IFTAP: variants seen among roughly 807,000 people sequenced by gnomAD.
IFTAP encodes intraflagellar transport-associated protein.
Under a neutral mutation model 19.4 loss-of-function variants are expected in IFTAP, and 19 were observed. The observed-to-expected ratio is 0.98, with a 90% CI of 0.68 to 1.44. The LOEUF is 1.44. Among genes scored for constraint, IFTAP ranks in the 40% most tolerant of loss-of-function variants. The probability of loss-of-function intolerance (pLI) is 0.00; values close to 1 mark genes in which losing one functional copy is unlikely to be tolerated. For missense variants in IFTAP, 240 were observed against 253.6 expected (o/e 0.95, Z 0.36); for synonymous variants, 85 against 83.5 (o/e 1.02, Z -0.10).
intron 4 of IFTAP, among the ~76,000 whole-genome samples, chr11:36,643,546 C>A (rs1478340992): frequency 1.3e-5 from 2 of 152,174 alleles, no homozygotes; most frequent in Non-Finnish European, 2.9e-5. Context: ...CCAAGACAAT[C>A]CTAAGCCAAA....
chr11:36,598,822 C>T (rs1851393553), intron 1 of IFTAP, among the ~76,000 whole-genome samples: 2 of 152,128 alleles, frequency 1.3e-5, no homozygotes, highest in South Asian at 4.1e-4. Context: ...GTAGAGTCAT[C>T]TTAATCCTTA....
intron 1 of IFTAP, among the ~76,000 whole-genome samples, chr11:36,605,636 G>A (rs185121017): frequency 1.3e-5 from 2 of 152,326 alleles, no homozygotes; most frequent in Non-Finnish European, 2.9e-5. Flanking sequence ...GGCAAAAAGT[G>A]AACCCTATTC....
At chr11:36,624,459 A>C (rs1453498906) in intron 2 of IFTAP, among the ~76,000 whole-genome samples, 1 of 152,176 alleles carries the variant, frequency 6.6e-6, no homozygotes, top group African/African-American at 2.4e-5. Flanking sequence ...CTGGCTGGAA[A>C]TTGGGAATCA....
At chr11:36,595,373 A>G (rs1181055264) in intron 1 of IFTAP, 1 of 152,242 alleles carries the variant, frequency 6.6e-6, no homozygotes, top group Non-Finnish European at 1.5e-5. Flanking sequence ...GAAGCTTGAT[A>G]AATTTCTATT....
At chr11:36,650,741 T>G (rs1225124809) in intron 5 of IFTAP, among the ~76,000 whole-genome samples, 1 of 151,920 alleles carries the variant, frequency 6.6e-6, no homozygotes, top group Non-Finnish European at 1.5e-5. Context: ...GTGTGTGATG[T>G]TCCCCTTCCT....
At position 36,615,689 on chromosome 11, in the gene IFTAP, A is replaced by G. The variant is rs1483182744; in HGVS notation, c.136+5450A>G. 2.2e-5 allele frequency among the ~76,000 whole-genome samples: 3 copies of G among 136,836 alleles called. 1 individual carries two copies. Among genetic ancestry groups the G allele is most frequent in the South Asian group, 5.3e-4 (2 of 3,800 alleles). 89.8% of individuals were successfully genotyped at this position (136,836 alleles called of 152,430 possible). On this transcript the variant is annotated intron_variant, in intron 2 of 5. Transcript: ENST00000334307. Reference sequence around the variant, plus strand: ...TTTATTCTCTTTGAAGCAATTGTGAATGGGAGTTCACTCATGATTTGGCTC... The same window carrying G: ...TTTATTCTCTTTGAAGCAATTGTGAGTGGGAGTTCACTCATGATTTGGCTC...
chr11:36,634,381 G>A (rs1004879280), intron 3 of IFTAP, among the ~76,000 whole-genome samples: 4 of 152,116 alleles, frequency 2.6e-5, no homozygotes, highest in African/African-American at 9.7e-5. Context: ...AGATTAAGTA[G>A]TCTATTATAG....
At chr11:36,609,932 C>G (rs1851814882) in intron 1 of IFTAP, 149 bp from the exon 2 acceptor site, 1 of 624,902 alleles carries the variant, frequency 1.6e-6, no homozygotes, top group African/African-American at 1.9e-5. Context: ...GAATAAAACT[C>G]TGGTCTCTTG....
intron 2 of IFTAP, among the ~76,000 whole-genome samples, chr11:36,611,119 TCA>T (rs1235762812): frequency 6.6e-6 from 1 of 152,118 alleles, no homozygotes; most frequent in Non-Finnish European, 1.5e-5. Context: ...TCTCTGGCAC[TCA>T]CACAGTCTAA....
intron 2 of IFTAP, among the ~76,000 whole-genome samples, chr11:36,620,267 T>C (rs1007773420): frequency 2.0e-5 from 3 of 152,038 alleles, no homozygotes; most frequent in Non-Finnish European, 4.4e-5. Flanking sequence ...AAAAAAATAT[T>C]GAATGAAGTG....
At chr11:36,647,865 TCC>T in intron 4 of IFTAP, 149 bp from the exon 5 acceptor site, 1 of 831,510 alleles carries the variant, frequency 1.2e-6, no homozygotes, top group Non-Finnish European at 1.9e-6. Context: ...ATCCCTTGAG[TCC>T]AGTTCCCAAA....
chr11:36,620,582 T>G (rs757155585), intron 2 of IFTAP, among the ~76,000 whole-genome samples: 1 of 152,056 alleles, frequency 6.6e-6, no homozygotes, highest in African/African-American at 2.4e-5. Context: ...ATAATTCATA[T>G]TCATTTCAAC....
At chr11:36,652,481 A>C (rs1185645420) in intron 5 of IFTAP, among the ~76,000 whole-genome samples, 1 of 152,188 alleles carries the variant, frequency 6.6e-6, no homozygotes, top group Non-Finnish European at 1.5e-5. Context: ...CTAGATAGAC[A>C]ATCATATCAT....
At chr11:36,603,157 A>G (rs886766917) in intron 1 of IFTAP, among the ~76,000 whole-genome samples, 1 of 152,198 alleles carries the variant, frequency 6.6e-6, no homozygotes, top group Non-Finnish European at 1.5e-5. Flanking sequence ...AATGGGTATT[A>G]TACAATCTGC....
At chr11:36,601,335 G>C (rs879476544) in intron 1 of IFTAP, among the ~76,000 whole-genome samples, 2 of 152,182 alleles carry the variant, frequency 1.3e-5, no homozygotes, top group African/African-American at 4.8e-5. Context: ...GAGGAAGGAA[G>C]AGGAAATGTA....
intron 4 of IFTAP, among the ~76,000 whole-genome samples, chr11:36,646,397 A>T (rs1473750588): frequency 4.6e-5 from 7 of 152,150 alleles, no homozygotes; most frequent in Non-Finnish European, 1.0e-4. Flanking sequence ...TTACACGAGG[A>T]CGCTCAGTGA....
At chr11:36,624,869 C>G (rs1852450271) in intron 2 of IFTAP, among the ~76,000 whole-genome samples, 1 of 152,090 alleles carries the variant, frequency 6.6e-6, no homozygotes. Context: ...TTATCTATAT[C>G]TCTTACTGTT....
chr11:36,645,332 G>A (rs1031543776), intron 4 of IFTAP, among the ~76,000 whole-genome samples: 1 of 152,118 alleles, frequency 6.6e-6, no homozygotes, highest in African/African-American at 2.4e-5. Flanking sequence ...GGTTGAGAAA[G>A]AAGAGATTAA....
At chr11:36,633,557 T>C in intron 3 of IFTAP, 119 bp downstream of exon 3, 1 of 751,066 alleles carries the variant, frequency 1.3e-6, no homozygotes, top group South Asian at 5.3e-5. Context: ...TTCCTAATTC[T>C]AGAAGGAGTG....
Sources: gnomAD v4.1 joint callset for allele counts (sites outside exome capture counted in the v4.1 genomes callset) on GRCh38, gnomAD v4.1.1 for gene constraint, MANE v1.5 for transcripts, NCBI Gene and HGNC (gene_info 2026-07-23, HGNC 2026-07-21) for gene names.